The following PHACTR3 variants were observed in gnomAD, a reference collection of about 807,000 sequenced individuals.
PHACTR3 encodes phosphatase and actin regulator 3.
PHACTR3 carries 16 observed loss-of-function variants against 66.8 expected under a neutral mutation model. The ratio of observed to expected loss-of-function variants is 0.24; its 90% CI spans 0.16 to 0.36. The LOEUF is 0.36. Among genes scored for constraint, PHACTR3 ranks in the 10% least tolerant of loss-of-function variants. PHACTR3 has a pLI of 1.00. For missense variants in PHACTR3, 647 were observed against 719.9 expected (o/e 0.90, Z 1.16); for synonymous variants, 323 against 292.1 (o/e 1.11, Z -1.08).
chr20:59,595,228 C>T (rs1028532390), intron 1 of PHACTR3, among the ~76,000 whole-genome samples: 1 of 151,998 alleles, frequency 6.6e-6, no homozygotes, highest in African/African-American at 2.4e-5. Context: ...TTTGGGAGGC[C>T]GAGACGGGTG....
intron 8 of PHACTR3, among the ~76,000 whole-genome samples, chr20:59,822,624 T>C (rs987646643): frequency 6.6e-6 from 1 of 152,038 alleles, no homozygotes; most frequent in East Asian, 2.0e-4. Flanking sequence ...AATGGTGTGG[T>C]CTGCAGATGA....
At chr20:59,585,291 G>A (rs1279582637) in intron 1 of PHACTR3, among the ~76,000 whole-genome samples, 2 of 152,206 alleles carry the variant, frequency 1.3e-5, no homozygotes, top group East Asian at 1.9e-4. Flanking sequence ...GAACATATGA[G>A]GTTGGAGGTG....
intron 6 of PHACTR3, among the ~76,000 whole-genome samples, chr20:59,773,921 C>T (rs2040440263): frequency 6.6e-6 from 1 of 152,240 alleles, no homozygotes; most frequent in South Asian, 2.1e-4. Context: ...TAATAGGAGA[C>T]AGTATGGGTT....
chr20:59,777,030 A>G (rs1288768982), intron 7 of PHACTR3, among the ~76,000 whole-genome samples: 1 of 152,158 alleles, frequency 6.6e-6, no homozygotes, highest in African/African-American at 2.4e-5. Context: ...CTAGAAATCC[A>G]AAATCAAAGT....
rs79996913 is a variant in PHACTR3 at position 59,757,076 on chromosome 20, T to C, written c.541+1712T>C. Among the ~76,000 whole-genome samples, 284 of 152,330 alleles carry C rather than the reference T, an allele frequency of 1.9e-3. 9 individuals carry two copies. The East Asian group carries it at 0.048, about 26-fold the overall frequency. ...AACAGACACTTCTCAAAAGAAGATA[T>C]TTATGCAACCCGCTGGCATGGTTCT... On this transcript the variant is annotated intron_variant, in intron 4 of 12. Transcript: ENST00000371015.
intron 1 of PHACTR3, among the ~76,000 whole-genome samples, chr20:59,730,448 C>T (rs1940818398): frequency 2.0e-5 from 3 of 152,092 alleles, no homozygotes; most frequent in Admixed American, 1.3e-4. Flanking sequence ...TATATTTCAT[C>T]CTAAGAGCCA....
At chr20:59,599,709 A>T (rs964026551), upstream of PHACTR3, among the ~76,000 whole-genome samples, 23 of 152,160 alleles carry the variant, frequency 1.5e-4, no homozygotes, top group African/African-American at 5.3e-4. Flanking sequence ...ACAAAACAAA[A>T]CAAACCCTGG....
intron 1 of PHACTR3, among the ~76,000 whole-genome samples, chr20:59,590,670 C>G (rs1302280110): frequency 1.3e-5 from 2 of 152,100 alleles, no homozygotes; most frequent in Non-Finnish European, 2.9e-5. Context: ...ACTTTTTGGG[C>G]TACAACAACA....
rs978907418 is a variant in PHACTR3 at position 59,820,546 on chromosome 20, G to A, written c.1328+14352G>A. Among the ~76,000 whole-genome samples, 5 of 152,178 alleles carry A rather than the reference G, an allele frequency of 3.3e-5. No homozygotes were observed. The highest frequency in any genetic ancestry group is 1.9e-4 in the East Asian group (1 of 5,190). ...TTCATCGTCTTGGGTGGAAGTCCCC[G>A]TGTACAGGGAGGGAAAGCCCATCTG... is the stretch of plus-strand genomic sequence containing the variant. On this transcript the variant is annotated intron_variant, in intron 8 of 12. Transcript: ENST00000371015. The surrounding 1 kb of genome is among the most constrained non-coding windows in gnomAD (Gnocchi z 4.6).
At chr20:59,821,808 C>T (rs575257664) in intron 8 of PHACTR3, among the ~76,000 whole-genome samples, 7 of 151,958 alleles carry the variant, frequency 4.6e-5, no homozygotes, top group South Asian at 2.1e-4. Context: ...TGGAGAGCAC[C>T]GCCGGGGAAT....
intron 1 of PHACTR3, among the ~76,000 whole-genome samples, chr20:59,582,108 A>C (rs370684217): frequency 6.6e-6 from 1 of 152,186 alleles, no homozygotes; most frequent in Non-Finnish European, 1.5e-5. Context: ...TGGAACATGA[A>C]TCCTCCCCCC....
At chr20:59,635,155 T>TTCTTTCTTTCTTTC (rs2034829372) in intron 1 of PHACTR3, among the ~76,000 whole-genome samples, 3 of 65,298 alleles carry the variant, frequency 4.6e-5, no homozygotes, top group African/African-American at 2.0e-4. Context: ...TTCTTTTTCT[T>TTCTTTCTTTCTTTC]TCTTTCTTTC....
intron 1 of PHACTR3, among the ~76,000 whole-genome samples, chr20:59,728,316 G>A (rs566403074): frequency 1.3e-5 from 2 of 152,044 alleles, no homozygotes; most frequent in South Asian, 2.1e-4. Flanking sequence ...GCGTAACATG[G>A]TGCAGTCATT....
intron 1 of PHACTR3, among the ~76,000 whole-genome samples, chr20:59,655,223 A>G (rs570532748): frequency 9.2e-5 from 14 of 152,188 alleles, no homozygotes; most frequent in African/African-American, 2.9e-4. Context: ...TAATTTTCCC[A>G]GTCAGGCTGA....
chr20:59,801,142 C>T (rs377417531), intron 7 of PHACTR3, among the ~76,000 whole-genome samples: 18 of 152,178 alleles, frequency 1.2e-4, no homozygotes, highest in Non-Finnish European at 1.9e-4. Flanking sequence ...GTCTCTTTCA[C>T]GCTAACTCTG....
intron 1 of PHACTR3, among the ~76,000 whole-genome samples, chr20:59,636,826 T>G (rs2034916361): frequency 6.6e-6 from 1 of 152,198 alleles, no homozygotes; most frequent in Non-Finnish European, 1.5e-5. Flanking sequence ...AAACAGAAAG[T>G]GTCTAGAAGA....
intron 7 of PHACTR3, among the ~76,000 whole-genome samples, chr20:59,777,219 C>T (rs2040569341): frequency 6.6e-6 from 1 of 152,126 alleles, no homozygotes; most frequent in Non-Finnish European, 1.5e-5. Context: ...AGGCAGGGCC[C>T]ATCTGGATAA....
At chr20:59,723,451 G>A (rs1238386745) in intron 1 of PHACTR3, among the ~76,000 whole-genome samples, 1 of 152,084 alleles carries the variant, frequency 6.6e-6, no homozygotes, top group East Asian at 1.9e-4. Flanking sequence ...CCAGTTTAGG[G>A]CTGATAGTAT....
chr20:59,829,299 G>T lies in PHACTR3; in HGVS notation c.1329-7206G>T, dbSNP rs139669200. Among the ~76,000 whole-genome samples the T allele has an allele frequency of 6.6e-6, 1 of 152,294 alleles. No individual in the cohort carries two copies. Among genetic ancestry groups the T allele is most frequent in the East Asian group, 1.9e-4 (1 of 5,160 alleles). ...CTCAGTCGGCAGAACATCCCTGCTT[G>T]CTGTTTCCTAGTGTGGACACACTCC... On this transcript the variant is annotated intron_variant, in intron 8 of 12. Transcript: ENST00000371015. This position sits in a 1 kb window ranked among gnomAD's most constrained non-coding sequence, Gnocchi z 4.2.
Sources: allele counts gnomAD v4.1 joint callset (sites outside exome capture counted in the v4.1 genomes callset), GRCh38; gene constraint gnomAD v4.1.1; non-coding constraint Gnocchi (gnomAD v3.1); transcripts MANE v1.5; gene names NCBI Gene and HGNC (gene_info 2026-07-23, HGNC 2026-07-21).